WNK2: variants seen among roughly 807,000 people sequenced by gnomAD.
The protein encoded by WNK2 is WNK lysine deficient protein kinase 2, also known as serine/threonine-protein kinase WNK2.
WNK2 carries 67 observed loss-of-function variants against 192.1 expected under a neutral mutation model. The observed-to-expected ratio is 0.35, with a 90% CI of 0.29 to 0.43. The LOEUF is 0.43. WNK2 is among the 20% of genes least tolerant of loss of function. The pLI, the probability that WNK2 is intolerant of heterozygous loss-of-function variation, is 1.00. For missense variants in WNK2, 2,698 were observed against 3,089.7 expected, an observed-to-expected ratio of 0.87 and a Z score of 3.01; for synonymous variants, 1,439 against 1,393.9, an observed-to-expected ratio of 1.03 and a Z score of -0.72.
intron 19 of WNK2, among the ~76,000 whole-genome samples, chr9:93,285,806 A>T (rs770015900): frequency 6.6e-6 from 1 of 152,238 alleles, no homozygotes; most frequent in Non-Finnish European, 1.5e-5. Context: ...CTGGAGTCAC[A>T]GAGACAATCT....
chr9:93,202,386 G>T (rs1392236185), intron 2 of WNK2, among the ~76,000 whole-genome samples: 1 of 145,690 alleles, frequency 6.9e-6, no homozygotes, highest in South Asian at 2.2e-4. Context: ...TCTTTGGCTC[G>T]TTTGCCAGGG....
In WNK2 at chr9:93,247,078, C is replaced by T. The variant is rs1468127928; in HGVS notation, c.1543-465C>T. On this transcript the variant is annotated intron_variant, in intron 7 of 29. Transcript: ENST00000427277. This position sits in a 1 kb window ranked among gnomAD's most constrained non-coding sequence, Gnocchi z 5.2. The stretch of plus-strand genomic sequence containing the variant: ...ACCTTACTGGTCCCTAATTACAAAA[C>T]GCATGTCCTTCCTCCATCTGCAACT... Among the ~76,000 whole-genome samples the T allele has an allele frequency of 2.0e-5, 3 of 152,238 alleles. No individual in the cohort carries two copies. Among genetic ancestry groups the T allele is most frequent in the East Asian group, 3.8e-4 (2 of 5,198 alleles).
At chr9:93,199,664 C>T (rs557836127) in intron 2 of WNK2, among the ~76,000 whole-genome samples, 9 of 151,956 alleles carry the variant, frequency 5.9e-5, no homozygotes, top group Non-Finnish European at 1.3e-4. Context: ...TTTGGGAGGC[C>T]GAGGCGGGTG....
At chr9:93,270,333 T>C (rs570588627) in intron 19 of WNK2, among the ~76,000 whole-genome samples, 101 of 152,368 alleles carry the variant, frequency 6.6e-4, no homozygotes, top group African/African-American at 2.2e-3. Context: ...ATGACCAATT[T>C]TGTGAATACA....
Position 93,263,741 on chromosome 9 carries a change from G to C in WNK2, c.3579+7G>C. The C allele has an allele frequency of 6.8e-7, 1 of 1,470,322 alleles. No individual in the cohort carries two copies. 91.1% of individuals were successfully genotyped at this position (1,470,322 alleles called of 1,614,324 possible). ...CCGGCTTACCATCTTGAACGTGAGT[G>C]GGCGGGGCGTGGCGGGGGTGTGGTG... is the stretch of plus-strand genomic sequence containing the variant. On this transcript the variant is annotated splice_region_variant and intron_variant, in intron 15 of 29. Coordinates refer to ENST00000427277, the MANE Select transcript of WNK2 (RefSeq NM_006648.4).
rs139427045 is a variant in WNK2 at position 93,191,715 on chromosome 9, C to T, written c.681+6105C>T. 3.2e-3 allele frequency among the ~76,000 whole-genome samples: 492 copies of T among 152,164 alleles called. 1 individual carries two copies. The highest frequency in any genetic ancestry group is 0.011 in the African/African-American group (465 of 41,504). The stretch of plus-strand genomic sequence containing the variant: ...TTGAAGGTGGAGAGCACAGGATTTA[C>T]ATCAGATCTGAAGGTAGAGAAGGTA... On this transcript the variant is annotated intron_variant, in intron 2 of 29. Transcript: ENST00000427277.
At chr9:93,252,794 T>A (rs1183636236) in intron 8 of WNK2, 89 bp from the exon 9 acceptor site, 4 of 1,211,026 alleles carry the variant, frequency 3.3e-6, no homozygotes, top group Non-Finnish European at 4.4e-6. Flanking sequence ...AAGCCTTTAT[T>A]TTGCAGAAGA....
At chr9:93,287,801 C>T (rs7019236) in intron 19 of WNK2, among the ~76,000 whole-genome samples, 4,246 of 152,214 alleles carry the variant, frequency 0.028, 203 homozygotes, top group African/African-American at 0.097. Flanking sequence ...GGGCTCACAC[C>T]TGTCATCCCA....
chr9:93,290,262 G>A (rs1022672823), intron 21 of WNK2, among the ~76,000 whole-genome samples: 3 of 151,832 alleles, frequency 2.0e-5, no homozygotes, highest in Admixed American at 6.6e-5. Context: ...CCAACCTCTG[G>A]CCCATGAGCT....
At chr9:93,254,349 C>T (rs760119320) in intron 9 of WNK2, among the ~76,000 whole-genome samples, 4 of 152,216 alleles carry the variant, frequency 2.6e-5, no homozygotes, top group Non-Finnish European at 5.9e-5. Context: ...TCCTGCCTGG[C>T]GCTTTGGCTG....
intron 28 of WNK2, 161 bp from the exon 29 acceptor site, chr9:93,317,359 C>G: frequency 1.5e-6 from 1 of 669,430 alleles, no homozygotes; most frequent in Non-Finnish European, 2.6e-6. Flanking sequence ...TGGCCCCACA[C>G]CATCATTCTG....
At position 93,263,671 on chromosome 9, in the gene WNK2, C is replaced by T. The variant is rs1844656042; in HGVS notation, c.3516C>T (p.Arg1172=). ...GCAGGGCAGCCCGAAAACACCACCG[C>T]AGGTCCACGCGTGCGCGCTCCCGGC... ...LEGRAARKHH[R]RSTRARSRQE... is the part of the protein sequence containing the mutation. The change falls in exon 15 of 30, where the codon CGC becomes CGT. Residue 1172 remains arginine, a synonymous_variant. Transcript: ENST00000427277. The T allele has an allele frequency of 6.3e-7, 1 of 1,588,124 alleles. No homozygotes were observed. Among genetic ancestry groups the T allele is most frequent in the Non-Finnish European group, 8.5e-7 (1 of 1,171,790 alleles).
At chr9:93,264,136 G>A in intron 16 of WNK2, 103 bp downstream of exon 16, 1 of 900,536 alleles carries the variant, frequency 1.1e-6, no homozygotes, top group Non-Finnish European at 1.8e-6. Context: ...TTGTGTGGAG[G>A]TGTCGGTTGG....
At chr9:93,299,357 A>G (rs1026410149) in intron 25 of WNK2, 96 bp downstream of exon 25, 2 of 1,321,870 alleles carry the variant, frequency 1.5e-6, no homozygotes, top group Non-Finnish European at 2.0e-6. Flanking sequence ...GAGGGGTTGC[A>G]AGCTGTGGCA....
intron 4 of WNK2, among the ~76,000 whole-genome samples, chr9:93,231,779 C>T (rs557564128): frequency 5.1e-4 from 78 of 152,306 alleles, no homozygotes; most frequent in African/African-American, 1.8e-3. Flanking sequence ...TCTTTTGGGG[C>T]GAGATGCCGT....
rs1260406049 is a variant in WNK2, at chr9:93,239,522, A to G, written c.1323-235A>G. On this transcript the variant is annotated intron_variant, in intron 6 of 29. Transcript: ENST00000427277. This position sits in a 1 kb window ranked among gnomAD's most constrained non-coding sequence, Gnocchi z 4.2. Reference sequence around the variant, plus strand: ...TTGTATCATTGAATCTTTTATGAGCATGTTTTTTTTTTTTATAATGAGGGG... The same window carrying G: ...TTGTATCATTGAATCTTTTATGAGCGTGTTTTTTTTTTTTATAATGAGGGG... 6.6e-6 allele frequency among the ~76,000 whole-genome samples: 1 copy of G among 151,362 alleles called. No individual in the cohort carries two copies. The highest frequency in any genetic ancestry group is 1.5e-5 in the Non-Finnish European group (1 of 67,828).
chr9:93,232,071 C>T (rs948044092), intron 4 of WNK2, among the ~76,000 whole-genome samples: 1 of 152,186 alleles, frequency 6.6e-6, no homozygotes, highest in African/African-American at 2.4e-5. Context: ...TTGGGAGAGG[C>T]TCCCCCATGT....
At position 93,185,508 on chromosome 9, in the gene WNK2, C is replaced by T. The variant is rs566200111; in HGVS notation, c.579C>T (p.Arg193=). 2 of 1,613,028 alleles carry T rather than the reference C, an allele frequency of 1.2e-6. No homozygotes were observed. Among genetic ancestry groups the T allele is most frequent in the African/African-American group, 2.7e-5 (2 of 75,074 alleles). ...CCGTGGCCACCTCTCTGGACGGCCG[C>T]TTCCTCAAGTTCGACATCGAGCTGG... The part of the protein sequence containing the change: ...LKAVATSLDG[R]FLKFDIELGR... The change falls in exon 2 of 30, where the codon CGC becomes CGT. Residue 193 remains arginine (R), a synonymous_variant. Transcript: ENST00000427277.
chr9:93,185,380 G>T lies in WNK2; in HGVS notation c.451G>T (p.Val151Leu), dbSNP rs759495885. The stretch of plus-strand genomic sequence containing the variant: ...CCCCAGGGAGGAGGCGGCGGCGACC[G>T]TGAGGAAGGAGGATGAGGGGGCGGC... Reference protein sequence around the residue: ...GGPREEAAATVRKEDEGAAEA... With the variant: ...GGPREEAAATLRKEDEGAAEA... Residue 151 changes from valine to leucine, a missense_variant, in exon 2 of 30, where the codon GTG becomes TTG. Physicochemically the swap from Val to Leu is conservative, Grantham distance 32. This residue lies in a region of WNK2 where 260 missense variants were observed against 285.6 expected (regional missense o/e 0.91). Coordinates refer to ENST00000427277, the MANE Select transcript of WNK2 (RefSeq NM_006648.4). The T allele has an allele frequency of 3.1e-6, 5 of 1,591,312 alleles. No homozygotes were observed. The South Asian group carries it at 3.4e-5, about 11-fold the overall frequency.
Sources: allele counts gnomAD v4.1 joint callset (sites outside exome capture counted in the v4.1 genomes callset), GRCh38; gene constraint gnomAD v4.1.1; regional missense constraint gnomAD v4.1.1; non-coding constraint Gnocchi (gnomAD v3.1); transcripts MANE v1.5; gene names NCBI Gene and HGNC (gene_info 2026-07-23, HGNC 2026-07-21).